Variants in NRCAM observed in about 807,000 individuals in gnomAD.
The protein encoded by NRCAM is NgCAM-related cell adhesion molecule.
A neutral mutation model predicts 156.5 loss-of-function variants in NRCAM; 83 were observed. That is an observed-to-expected ratio of 0.53 (90% CI 0.44 to 0.64). The LOEUF is 0.64. Ranked by LOEUF, NRCAM falls within the 30% of genes least tolerant of loss-of-function variation. The pLI is 0.00. For missense variants in NRCAM, 1,417 were observed against 1,597.3 expected, an observed-to-expected ratio of 0.89 and a Z score of 1.92; for synonymous variants, 538 against 563.9, an observed-to-expected ratio of 0.95 and a Z score of 0.65.
At chr7:108,245,539 T>A (rs996667512) in intron 3 of NRCAM, among the ~76,000 whole-genome samples, 1 of 152,148 alleles carries the variant, frequency 6.6e-6, no homozygotes, top group Non-Finnish European at 1.5e-5. Flanking sequence ...ATTTTAAAAG[T>A]AGGCAGTGTG....
chr7:108,301,447 G>A (rs139889157), intron 3 of NRCAM, among the ~76,000 whole-genome samples: 23 of 152,276 alleles, frequency 1.5e-4, no homozygotes, highest in African/African-American at 2.2e-4. Context: ...TTGGTACCAG[G>A]CACCTGGGAA....
At chr7:108,442,554 T>A (rs1839840148) in intron 1 of NRCAM, among the ~76,000 whole-genome samples, 1 of 152,196 alleles carries the variant, frequency 6.6e-6, no homozygotes, top group African/African-American at 2.4e-5. Flanking sequence ...TTCTAAAATG[T>A]GAGTTTGATG....
At chr7:108,334,989 T>C (rs1056958283) in intron 2 of NRCAM, among the ~76,000 whole-genome samples, 9 of 152,212 alleles carry the variant, frequency 5.9e-5, no homozygotes, top group African/African-American at 2.2e-4. Context: ...GTTGAACCCT[T>C]CTATCACTGT....
At chr7:108,420,995 T>C (rs544682708) in intron 1 of NRCAM, among the ~76,000 whole-genome samples, 5 of 152,230 alleles carry the variant, frequency 3.3e-5, no homozygotes, top group South Asian at 2.1e-4. Flanking sequence ...TAAAGGTTAA[T>C]AAAAACCACA....
intron 1 of NRCAM, among the ~76,000 whole-genome samples, chr7:108,444,069 TA>T (rs1841814330): frequency 6.6e-6 from 1 of 151,922 alleles, no homozygotes; most frequent in Admixed American, 6.6e-5. Flanking sequence ...AAAATATCCT[TA>T]AATAAATAAA....
In NRCAM at chr7:108,406,996, CTTTCT is replaced by C. The variant is rs553583888; in HGVS notation, c.-331-7408_-331-7404del. On this transcript the variant is annotated intron_variant, in intron 1 of 32. Transcript: ENST00000379028. ...CAGCTGATGTTTAATAATATTTATT[CTTTCT>C]TATCAAAAAATTGTTTTCATTTTCC... 7.7e-3 allele frequency among the ~76,000 whole-genome samples: 1,176 copies of C among 152,108 alleles called. 11 individuals are homozygous for C. Among genetic ancestry groups the C allele is most frequent in the Non-Finnish European group, 8.9e-3 (605 of 67,978 alleles).
intron 3 of NRCAM, among the ~76,000 whole-genome samples, chr7:108,267,937 T>C (rs1384267644): frequency 6.6e-6 from 1 of 152,234 alleles, no homozygotes; most frequent in Non-Finnish European, 1.5e-5. Context: ...TGGAAATCTA[T>C]ACAGATAATT....
intron 4 of NRCAM, among the ~76,000 whole-genome samples, chr7:108,238,874 A>G (rs1248529583): frequency 1.3e-5 from 2 of 152,084 alleles, no homozygotes; most frequent in Non-Finnish European, 2.9e-5. Context: ...GGGACAAACC[A>G]CATCTCTTCT....
intron 1 of NRCAM, among the ~76,000 whole-genome samples, chr7:108,433,322 C>A (rs935149057): frequency 6.6e-6 from 1 of 152,166 alleles, no homozygotes; most frequent in African/African-American, 2.4e-5. Context: ...GAGACCCATT[C>A]AGGTCTTGGA....
intron 3 of NRCAM, among the ~76,000 whole-genome samples, chr7:108,240,811 A>G (rs1327811881): frequency 6.6e-6 from 1 of 152,196 alleles, no homozygotes. Flanking sequence ...AAGAAAGTCC[A>G]ATGTATCTTT....
chr7:108,176,524 A>T lies in NRCAM; in HGVS notation c.3057T>A (p.Asn1019Lys). ...AATAAAACTTATATCGAGTGCTGAA[A>T]TTTAAATTTTTTAAAGTCCACCGTG... Reference protein sequence around the residue: ...NKTRWTLKNLNFSTRYKFYFY... With the variant: ...NKTRWTLKNLKFSTRYKFYFY... Residue 1019 changes from asparagine (N) to lysine (K), a missense_variant, in exon 27 of 33, where the codon AAT (asparagine) becomes AAA (lysine). Physicochemically the swap from Asn to Lys is moderately conservative, Grantham distance 94. Coordinates refer to ENST00000379028, the MANE Select transcript of NRCAM (RefSeq NM_001037132.4). The T allele has an allele frequency of 1.9e-6, 3 of 1,613,760 alleles. No homozygotes were observed. Among genetic ancestry groups the T allele is most frequent in the Non-Finnish European group, 8.5e-7 (1 of 1,179,840 alleles).
At chr7:108,167,308 A>G (rs2055121301) in intron 29 of NRCAM, among the ~76,000 whole-genome samples, 1 of 152,234 alleles carries the variant, frequency 6.6e-6, no homozygotes, top group Non-Finnish European at 1.5e-5. Context: ...TTAATTGTAT[A>G]TATTCCCATT....
chr7:108,203,246 T>C (rs2079131625), intron 13 of NRCAM, among the ~76,000 whole-genome samples: 1 of 152,224 alleles, frequency 6.6e-6, no homozygotes, highest in African/African-American at 2.4e-5. Context: ...TCTGCAGCTG[T>C]GTTCTTTTAT....
chr7:108,203,648 G>C (rs183820608), intron 13 of NRCAM, among the ~76,000 whole-genome samples: 2 of 152,190 alleles, frequency 1.3e-5, no homozygotes, highest in Non-Finnish European at 2.9e-5. Context: ...TCGCCTGCAA[G>C]TCAGGAGTGG....
At chr7:108,321,231 ATTATAACCTACTGTG>A (rs1357107186) in intron 2 of NRCAM, among the ~76,000 whole-genome samples, 1 of 152,198 alleles carries the variant, frequency 6.6e-6, no homozygotes, top group African/African-American at 2.4e-5. Context: ...GCCATGTTTT[ATTATAACCTACTGTG>A]TTATAACCTA....
At chr7:108,330,364 G>A (rs764764894) in intron 2 of NRCAM, among the ~76,000 whole-genome samples, 18 of 152,214 alleles carry the variant, frequency 1.2e-4, no homozygotes, top group Middle Eastern at 3.4e-3. Flanking sequence ...GAGCAGTAAG[G>A]GCTCAATGGA....
At chr7:108,190,601 G>T (rs564889234) in intron 19 of NRCAM, among the ~76,000 whole-genome samples, 2 of 152,182 alleles carry the variant, frequency 1.3e-5, no homozygotes, top group East Asian at 1.9e-4. Flanking sequence ...ATTGATTTTT[G>T]TATTGACGTA....
At chr7:108,318,093 T>C (rs1292954111) in intron 2 of NRCAM, among the ~76,000 whole-genome samples, 1 of 127,242 alleles carries the variant, frequency 7.9e-6, no homozygotes, top group Non-Finnish European at 1.6e-5. Flanking sequence ...TCGCCCAGAC[T>C]GGAGTGGAGT....
At chr7:108,187,307 C>T (rs561990922) in intron 20 of NRCAM, among the ~76,000 whole-genome samples, 50 of 152,244 alleles carry the variant, frequency 3.3e-4, no homozygotes, top group Non-Finnish European at 4.9e-4. Context: ...ACCTTCTCTC[C>T]GCCCTCACTT....
Sources: allele counts gnomAD v4.1 joint callset (sites outside exome capture counted in the v4.1 genomes callset), GRCh38; gene constraint gnomAD v4.1.1; transcripts MANE v1.5; gene names NCBI Gene and HGNC (gene_info 2026-07-23, HGNC 2026-07-21).